The following ACTA2 variants were observed in gnomAD, a reference collection of about 807,000 sequenced individuals.
ACTA2 encodes actin alpha 2, smooth muscle, also known as actin, aortic smooth muscle.
In ACTA2, 12 loss-of-function variants were observed where a neutral mutation model predicts 39.5. The observed-to-expected ratio is 0.30, with a 90% confidence interval of 0.19 to 0.49. The LOEUF is 0.49. Ranked by LOEUF, ACTA2 falls within the 20% of genes least tolerant of loss-of-function variation. ACTA2 has a pLI of 0.99. For missense variants in ACTA2, 236 were observed against 498.8 expected (o/e 0.47, Z 5.02); for synonymous variants, 158 against 180.6 (o/e 0.88, Z 1.00).
At chr10:88,977,575 A>G (rs1403738150) in intron 1 of ACTA2, among the ~76,000 whole-genome samples, 3 of 152,162 alleles carry the variant, frequency 2.0e-5, no homozygotes, top group Non-Finnish European at 4.4e-5. Context: ...AGCCCCATCA[A>G]AAAGTGGGCA....
chr10:88,943,083 A>G (rs1161198056), intron 4 of ACTA2, among the ~76,000 whole-genome samples: 2 of 152,232 alleles, frequency 1.3e-5, no homozygotes, highest in African/African-American at 2.4e-5. Flanking sequence ...GAACTTAAAG[A>G]GACAATGAAT....
At chr10:88,976,654 T>C (rs113124675) in intron 1 of ACTA2, among the ~76,000 whole-genome samples, 4 of 152,358 alleles carry the variant, frequency 2.6e-5, no homozygotes, top group African/African-American at 9.6e-5. Context: ...ATTGTGTTAT[T>C]TTAAAATACA....
At position 88,989,355 on chromosome 10, in the gene ACTA2, T is replaced by C. The variant is rs374445211; in HGVS notation, c.-24+1584A>G. 1.3e-4 allele frequency: 42 copies of C among 314,808 alleles called. No individual in the cohort carries two copies. In the East Asian group the frequency reaches 2.0e-3, roughly 15 times the overall value. The allele number at this position is 314,808 out of a possible 1,614,324, so 19.5% of individuals were successfully genotyped here. On this transcript the variant is annotated intron_variant, in intron 1 of 4. Coordinates refer to the ACTA2 transcript ENST00000415557. ...CTTCCTTCTTTTTACATTTTTTTAT[T>C]TAAATGAACTTTTCATTTTGGAATA...
At chr10:88,988,403 A>G (rs1846973182) in intron 1 of ACTA2, among the ~76,000 whole-genome samples, 1 of 145,278 alleles carries the variant, frequency 6.9e-6, no homozygotes, top group African/African-American at 2.6e-5. Flanking sequence ...CTTAGTGGTA[A>G]AAAGATGTAG....
intron 1 of ACTA2, among the ~76,000 whole-genome samples, chr10:88,970,697 C>T (rs1244802267): frequency 1.3e-5 from 2 of 152,058 alleles, no homozygotes; most frequent in Non-Finnish European, 2.9e-5. Flanking sequence ...GGAAGAGGAA[C>T]ATCACACACC....
chr10:88,979,268 A>T (rs958505860), intron 1 of ACTA2, among the ~76,000 whole-genome samples: 2 of 145,226 alleles, frequency 1.4e-5, no homozygotes, highest in Non-Finnish European at 3.1e-5. Flanking sequence ...AAAAAGCAGA[A>T]AAAAAAAAAT....
chr10:88,977,485 G>A (rs925368609), intron 1 of ACTA2, among the ~76,000 whole-genome samples: 4 of 151,882 alleles, frequency 2.6e-5, no homozygotes, highest in African/African-American at 9.7e-5. Flanking sequence ...GATATGCGGC[G>A]TTCAACCTAC....
At chr10:88,983,825 G>T (rs1292897875) in intron 1 of ACTA2, among the ~76,000 whole-genome samples, 1 of 152,126 alleles carries the variant, frequency 6.6e-6, no homozygotes, top group Non-Finnish European at 1.5e-5. Flanking sequence ...CCCATTGAAT[G>T]ACTTGGAAAT....
intron 1 of ACTA2, chr10:88,989,695 C>G (rs1212420645): frequency 2.4e-6 from 1 of 415,516 alleles, no homozygotes; most frequent in African/African-American, 2.1e-5. Context: ...TGAGAGGAAG[C>G]CTGAAGGATG....
At chr10:88,986,663 A>ACAGGAAGGAAGTAGTG (rs772916083) in intron 1 of ACTA2, among the ~76,000 whole-genome samples, 2 of 150,376 alleles carry the variant, frequency 1.3e-5, no homozygotes, top group East Asian at 3.9e-4. Context: ...AGGAAGTAAT[A>ACAGGAAGGAAGTAGTG]CAGGAAGGAA....
At chr10:88,964,254 C>T (rs979668280) in intron 1 of ACTA2, among the ~76,000 whole-genome samples, 2 of 152,030 alleles carry the variant, frequency 1.3e-5, no homozygotes, top group Non-Finnish European at 1.5e-5. Flanking sequence ...AAGAAAAAAG[C>T]GAACAGAAGT....
At chr10:88,989,948 C>A (rs777082601) in intron 1 of ACTA2, among the ~76,000 whole-genome samples, 7 of 152,120 alleles carry the variant, frequency 4.6e-5, no homozygotes, top group Non-Finnish European at 1.0e-4. Context: ...CGTTCCAAAG[C>A]AATAGTGACT....
chr10:88,952,229 C>G (rs150876090), intron 1 of ACTA2, among the ~76,000 whole-genome samples: 1 of 152,312 alleles, frequency 6.6e-6, no homozygotes, highest in African/African-American at 2.4e-5. Context: ...AGGGAATACA[C>G]AAATTCAGGC....
rs756232774 is a variant in ACTA2, at chr10:88,939,593, C to A, written c.722G>T (p.Ser241Ile). Residue 241 changes from serine (S) to isoleucine (I), a missense_variant, in exon 7 of 9, where the codon AGT becomes ATT. Physicochemically the swap from Ser to Ile is moderately radical, Grantham distance 142 (BLOSUM62 -2). Coordinates refer to ENST00000224784, the MANE Select transcript of ACTA2 (RefSeq NM_001613.4). ...TAASSSSLEK[S>I]YELPDGQVIT... ...CACTTGCCCATCAGGCAACTCGTAA[C>A]TCTTCTCAAGGGAGGATGAGGATGC... 1 of 1,614,122 alleles carries A rather than the reference C, an allele frequency of 6.2e-7. No individual in the cohort carries two copies. Among genetic ancestry groups the A allele is most frequent in the Non-Finnish European group, 8.5e-7 (1 of 1,179,994 alleles).
At chr10:88,950,515 G>T (rs555011867) in intron 1 of ACTA2, among the ~76,000 whole-genome samples, 2 of 152,292 alleles carry the variant, frequency 1.3e-5, no homozygotes, top group East Asian at 3.9e-4. Context: ...TCTTTGCAAA[G>T]AACATAAAAC....
intron 1 of ACTA2, among the ~76,000 whole-genome samples, chr10:88,989,204 GC>G (rs1847021037): frequency 1.3e-5 from 2 of 152,124 alleles, no homozygotes; most frequent in Non-Finnish European, 2.9e-5. Context: ...TATGTGAGTT[GC>G]TGGCTTATAA....
chr10:88,936,474 A>G (rs1845741046), intron 8 of ACTA2, among the ~76,000 whole-genome samples: 1 of 152,058 alleles, frequency 6.6e-6, no homozygotes, highest in Admixed American at 6.6e-5. Context: ...ATCTCTCATG[A>G]ATGGCTTAGG....
intron 1 of ACTA2, among the ~76,000 whole-genome samples, chr10:88,978,306 G>A (rs1248084058): frequency 1.6e-4 from 24 of 147,476 alleles, no homozygotes; most frequent in Non-Finnish European, 3.3e-4. Context: ...GCTAGATGAC[G>A]AGTTAGTGGG....
chr10:88,947,487 C>T (rs747681229), intron 2 of ACTA2, 101 bp from the exon 3 acceptor site: 37 of 1,528,266 alleles, frequency 2.4e-5, no homozygotes, highest in East Asian at 4.5e-5. Context: ...GGAAGTTCCT[C>T]TTCTGATTAT....
Sources: gnomAD v4.1 joint callset for allele counts (sites outside exome capture counted in the v4.1 genomes callset) on GRCh38, gnomAD v4.1.1 for gene constraint, MANE v1.5 for transcripts, NCBI Gene and HGNC (gene_info 2026-07-23, HGNC 2026-07-21) for gene names.